Variants in ASH1L observed in about 807,000 individuals in gnomAD.
ASH1L encodes histone-lysine N-methyltransferase ASH1L.
ASH1L carries 23 observed loss-of-function variants against 269.0 expected under a neutral mutation model. The observed-to-expected ratio is 0.09, with a 90% CI of 0.06 to 0.12. ASH1L has a LOEUF of 0.12. Among genes scored for constraint, ASH1L ranks in the 10% least tolerant of loss-of-function variants. The probability of loss-of-function intolerance (pLI) is 1.00; values close to 1 mark genes in which losing one functional copy is unlikely to be tolerated. For missense variants in ASH1L, 2,912 were observed against 3,567.8 expected, an observed-to-expected ratio of 0.82 and a Z score of 4.68; for synonymous variants, 1,187 against 1,253.5, an observed-to-expected ratio of 0.95 and a Z score of 1.12.
intron 1 of ASH1L, among the ~76,000 whole-genome samples, chr1:155,543,010 TA>T (rs368361295): frequency 0.021 from 3,117 of 151,998 alleles, 105 homozygotes; most frequent in African/African-American, 0.072. Context: ...ACTTTTTTTT[TA>T]AATATTTTAA....
At chr1:155,528,219 T>C (rs1163486804) in intron 1 of ASH1L, among the ~76,000 whole-genome samples, 1 of 152,240 alleles carries the variant, frequency 6.6e-6, no homozygotes, top group African/African-American at 2.4e-5. Context: ...CCTACAGGTT[T>C]CATTTCAAAA....
At chr1:155,424,619 T>C (rs1392273969) in intron 5 of ASH1L, among the ~76,000 whole-genome samples, 1 of 151,780 alleles carries the variant, frequency 6.6e-6, no homozygotes, top group Non-Finnish European at 1.5e-5. Flanking sequence ...GTTGGTCAGG[T>C]TGGTCTCCAA....
intron 10 of ASH1L, among the ~76,000 whole-genome samples, chr1:155,376,433 T>C (rs1656447369): frequency 6.6e-6 from 1 of 151,982 alleles, no homozygotes; most frequent in Non-Finnish European, 1.5e-5. Flanking sequence ...GCTGCACATG[T>C]GCATTGTTAC....
At chr1:155,502,315 C>T (rs2148797311) in intron 2 of ASH1L, among the ~76,000 whole-genome samples, 1 of 152,088 alleles carries the variant, frequency 6.6e-6, no homozygotes, top group East Asian at 1.9e-4. Flanking sequence ...TGTGATTCGC[C>T]CGCCTTGGCC....
intron 4 of ASH1L, among the ~76,000 whole-genome samples, chr1:155,447,466 G>A (rs926464661): frequency 1.3e-5 from 2 of 152,112 alleles, no homozygotes; most frequent in Admixed American, 6.6e-5. Flanking sequence ...CTGAGCTCAG[G>A]CAATCCGCAT....
At chr1:155,379,851 G>A (rs1656786534) in intron 8 of ASH1L, among the ~76,000 whole-genome samples, 192 bp downstream of exon 8, 1 of 152,150 alleles carries the variant, frequency 6.6e-6, no homozygotes, top group African/African-American at 2.4e-5. Context: ...CTATTTTGCA[G>A]TAAGAGTAAA....
intron 1 of ASH1L, among the ~76,000 whole-genome samples, chr1:155,551,485 C>T (rs1190454527): frequency 1.3e-5 from 2 of 150,716 alleles, no homozygotes; most frequent in South Asian, 4.2e-4. Context: ...ACGGTGAAAC[C>T]CCGTCTCTAC....
intron 1 of ASH1L, among the ~76,000 whole-genome samples, chr1:155,527,080 T>C (rs1487653628): frequency 6.6e-6 from 1 of 152,036 alleles, no homozygotes; most frequent in Non-Finnish European, 1.5e-5. Context: ...TGGTGGCGCA[T>C]GCCTGTAATC....
Position 155,562,686 on chromosome 1 carries a change from C to G in ASH1L, c.-633G>C, listed in dbSNP as rs1380920552. Reference sequence around the variant, plus strand: ...CGGCCGCCCCGCGCGCCAGCCAGCCCGTACGCGCTCACCCACAGGAACCCC... The same window carrying G: ...CGGCCGCCCCGCGCGCCAGCCAGCCGGTACGCGCTCACCCACAGGAACCCC... On this transcript the variant is annotated 5_prime_UTR_variant, in exon 1 of 28. Coordinates refer to ENST00000392403, the MANE Select transcript of ASH1L (RefSeq NM_018489.3). 9.9e-6 allele frequency: 15 copies of G among 1,515,488 alleles called. No individual in the cohort carries two copies. Among genetic ancestry groups the G allele is most frequent in the Non-Finnish European group, 1.3e-5 (15 of 1,131,750 alleles). The allele number at this position is 1,515,488 out of a possible 1,614,324, so 93.9% of individuals were successfully genotyped here.
At chr1:155,423,568 AAAAAC>A (rs770798692) in intron 5 of ASH1L, among the ~76,000 whole-genome samples, 8 of 152,072 alleles carry the variant, frequency 5.3e-5, no homozygotes, top group East Asian at 3.9e-4. Context: ...ACTCTGTCTC[AAAAAC>A]AAAACAAAAC....
At chr1:155,507,302 A>C (rs552143216) in intron 2 of ASH1L, among the ~76,000 whole-genome samples, 1 of 151,784 alleles carries the variant, frequency 6.6e-6, no homozygotes, top group Non-Finnish European at 1.5e-5. Flanking sequence ...AAAACGCTTC[A>C]CTGAAATTCA....
In ASH1L at chr1:155,360,350, G is replaced by A; in HGVS notation, c.6746C>T (p.Thr2249Ile). Residue 2249 changes from threonine (T) to isoleucine (I), a missense_variant, in exon 13 of 28, where the codon ACT (threonine) becomes ATT (isoleucine). Thr to Ile is a moderately conservative substitution (Grantham distance 89). Coordinates refer to ENST00000392403, the MANE Select transcript of ASH1L (RefSeq NM_018489.3). Reference protein sequence around the residue: ...LYALKDMPAGTELTYDYNFHS... With the variant: ...LYALKDMPAGIELTYDYNFHS... ...AAAGTTATAATCATAAGTGAGTTCA[G>A]TCCCAGCTGGCATGTCTTTAAGAGC... is the stretch of plus-strand genomic sequence containing the variant. The A allele has an allele frequency of 6.2e-7, 1 of 1,613,630 alleles. No individual in the cohort carries two copies. The highest frequency in any genetic ancestry group is 1.7e-5 in the Admixed American group (1 of 60,016).
In ASH1L at chr1:155,479,783, A is replaced by G; in HGVS notation, c.3087T>C (p.Phe1029=). Residue 1029 remains phenylalanine (F), a synonymous_variant, in exon 3 of 28, where the codon TTT becomes TTC. Transcript: ENST00000392403. The stretch of plus-strand genomic sequence containing the variant: ...TTATCTGTTGGCCCAATTTAGAGCC[A>G]AATGTGGCAGCAAGACTTGATACCG... ...HNTVSSLAAT[F]GSKLGQQINV... 1.2e-6 allele frequency: 2 copies of G among 1,614,192 alleles called. No homozygotes were observed. The highest frequency in any genetic ancestry group is 1.7e-6 in the Non-Finnish European group (2 of 1,180,026).
chr1:155,418,821 G>A (rs1373292072), intron 5 of ASH1L, among the ~76,000 whole-genome samples: 2 of 152,156 alleles, frequency 1.3e-5, no homozygotes, highest in African/African-American at 2.4e-5. Flanking sequence ...TGTAATCCCA[G>A]CACTTTGGGA....
chr1:155,504,402 A>G (rs1667691393), intron 2 of ASH1L, among the ~76,000 whole-genome samples: 1 of 152,154 alleles, frequency 6.6e-6, no homozygotes, highest in Non-Finnish European at 1.5e-5. Flanking sequence ...CTGATCTCTA[A>G]TGCCACCTGC....
At chr1:155,386,344 A>G (rs1037808427) in intron 7 of ASH1L, among the ~76,000 whole-genome samples, 4 of 151,934 alleles carry the variant, frequency 2.6e-5, no homozygotes, top group Admixed American at 1.3e-4. Context: ...CTGGGTTTAC[A>G]GATGTGAGCC....
At chr1:155,535,103 C>T (rs1194779987) in intron 1 of ASH1L, among the ~76,000 whole-genome samples, 7 of 151,406 alleles carry the variant, frequency 4.6e-5, no homozygotes, top group African/African-American at 1.2e-4. Context: ...GCAGGAGAAT[C>T]GCTTGAACCC....
chr1:155,468,249 G>A, intron 3 of ASH1L, among the ~76,000 whole-genome samples: 1 of 145,582 alleles, frequency 6.9e-6, no homozygotes, highest in South Asian at 2.2e-4. Flanking sequence ...TTTCTGCTTA[G>A]ATTTAACACA....
chr1:155,491,120 A>G (rs1666752246), intron 2 of ASH1L, among the ~76,000 whole-genome samples: 1 of 151,972 alleles, frequency 6.6e-6, no homozygotes, highest in Non-Finnish European at 1.5e-5. Flanking sequence ...AAAGCTGTTC[A>G]AGATCCTGGT....
Sources: allele counts gnomAD v4.1 joint callset (sites outside exome capture counted in the v4.1 genomes callset), GRCh38; gene constraint gnomAD v4.1.1; transcripts MANE v1.5; gene names NCBI Gene and HGNC (gene_info 2026-07-23, HGNC 2026-07-21).